Variants in ABCC12 observed in about 807,000 individuals in gnomAD.
The protein encoded by ABCC12 is ATP binding cassette subfamily C member 12.
In ABCC12, 142 loss-of-function variants were observed where a neutral mutation model predicts 151.1. The observed-to-expected ratio is 0.94, with a 90% CI of 0.82 to 1.08. The LOEUF (loss-of-function observed/expected upper bound fraction) is 1.08, where lower values mean the gene tolerates loss of function less well. Among genes scored for constraint, ABCC12 ranks in the 50% least tolerant of loss-of-function variants. The pLI is 0.00. For missense variants in ABCC12, 1,638 were observed against 1,691.1 expected, an observed-to-expected ratio of 0.97 and a Z score of 0.55; for synonymous variants, 645 against 646.4, an observed-to-expected ratio of 1.00 and a Z score of 0.03.
chr16:48,147,082 A>G (rs74018287), intron 2 of ABCC12, among the ~76,000 whole-genome samples: 4,879 of 151,884 alleles, frequency 0.032, 246 homozygotes, highest in African/African-American at 0.11. Flanking sequence ...CTTCAACAAC[A>G]CCACCCCTCA....
chr16:48,091,033 C>A (rs756182463), intron 25 of ABCC12, 87 bp downstream of exon 25: 20 of 1,313,906 alleles, frequency 1.5e-5, no homozygotes, highest in Non-Finnish European at 2.2e-5. Flanking sequence ...TTTAAAAAGA[C>A]CCCTTTCGCA....
At chr16:48,122,090 G>A (rs921575444) in intron 12 of ABCC12, among the ~76,000 whole-genome samples, 2 of 152,252 alleles carry the variant, frequency 1.3e-5, no homozygotes, top group Non-Finnish European at 2.9e-5. Context: ...CTACAAATGG[G>A]AGAGCTTGGA....
rs541294761 is a variant in ABCC12 at position 48,101,400 on chromosome 16, G to A, written c.2901-391C>T. Among the ~76,000 whole-genome samples, 13 of 152,236 alleles carry A rather than the reference G, an allele frequency of 8.5e-5. No individual in the cohort carries two copies. The East Asian group carries it at 2.5e-3, about 29-fold the overall frequency. On this transcript the variant is annotated intron_variant, in intron 22 of 30. Coordinates refer to ENST00000311303, the MANE Select transcript of ABCC12 (RefSeq NM_001393797.1). ...CTGATCTAACTCTGGAAGAAAACCCGGTGTGTCAACTGCCAACATGTGGCC... is the reference window on the plus strand; with the variant it reads ...CTGATCTAACTCTGGAAGAAAACCCAGTGTGTCAACTGCCAACATGTGGCC...
At position 48,138,245 on chromosome 16, in the gene ABCC12, A is replaced by C. The variant is rs1964677871; in HGVS notation, c.962T>G (p.Phe321Cys). The change falls in exon 8 of 31, where the codon TTT becomes TGT. Residue 321 changes from phenylalanine (F) to cysteine (C), a missense_variant. Coordinates refer to ENST00000311303, the MANE Select transcript of ABCC12 (RefSeq NM_001393797.1). ...TGTCCTACCTTGGATAGTGTTGGTA[A>C]AAGATTTCTCCCAGGCATACATTTT... ...LIKMYAWEKS[F>C]TNTIQDIRRR... The C allele has an allele frequency of 6.2e-7, 1 of 1,610,068 alleles. No individual in the cohort carries two copies. The highest frequency in any genetic ancestry group is 8.5e-7 in the Non-Finnish European group (1 of 1,176,774).
At chr16:48,096,712 T>C (rs1000443174) in intron 24 of ABCC12, 34 bp downstream of exon 24, 4 of 1,612,060 alleles carry the variant, frequency 2.5e-6, no homozygotes, top group South Asian at 2.2e-5. Flanking sequence ...GGCCGGAGCC[T>C]CCAGACTAAG....
intron 2 of ABCC12, among the ~76,000 whole-genome samples, chr16:48,148,218 G>A (rs1053232931): frequency 6.0e-5 from 9 of 149,742 alleles, no homozygotes; most frequent in Admixed American, 1.3e-4. Context: ...AAAGTGCTGG[G>A]ATTACAGGCG....
rs1567441918 is a variant in ABCC12 at position 48,083,628 on chromosome 16, T to C, written c.*87A>G. 2 of 1,352,074 alleles carry C rather than the reference T, an allele frequency of 1.5e-6. No individual in the cohort carries two copies. The highest frequency in any genetic ancestry group is 2.1e-6 in the Non-Finnish European group (2 of 965,066). 83.8% of individuals were successfully genotyped at this position (1,352,074 alleles called of 1,614,324 possible). A position where few individuals can be genotyped will look rare whatever the true frequency, so the allele number is the denominator to read the frequency against. ...GGAGGGGCTGAAGACCAGGGCTGCCTGCGGAGAGGACAGCCCCTCCTCCTG... is the reference window on the plus strand; with the variant it reads ...GGAGGGGCTGAAGACCAGGGCTGCCCGCGGAGAGGACAGCCCCTCCTCCTG... On this transcript the variant is annotated 3_prime_UTR_variant, in exon 31 of 31. Transcript: ENST00000311303.
chr16:48,090,066 G>A (rs969109892), intron 25 of ABCC12, among the ~76,000 whole-genome samples: 4 of 152,028 alleles, frequency 2.6e-5, no homozygotes, highest in Non-Finnish European at 4.4e-5. Context: ...TTTGTAAATG[G>A]AGCCAAACAC....
At position 48,146,342 on chromosome 16, in the gene ABCC12, C is replaced by G; in HGVS notation, c.83G>C (p.Ser28Thr). 1.2e-6 allele frequency: 2 copies of G among 1,614,174 alleles called. No homozygotes were observed. Among genetic ancestry groups the G allele is most frequent in the Non-Finnish European group, 1.7e-6 (2 of 1,180,036 alleles). The change falls in exon 3 of 31, where the codon AGC (serine) becomes ACC (threonine). Residue 28 changes from serine to threonine, a missense_variant. Coordinates refer to ENST00000311303, the MANE Select transcript of ABCC12 (RefSeq NM_001393797.1). ...TCGCACTGGGATCATGGTCTTCAGG[C>G]TGGGGTCATATCTTTCTGCAAAGGA... is the stretch of plus-strand genomic sequence containing the variant. ...RRSFAERYDPSLKTMIPVRPC... is the reference protein window; with the variant it reads ...RRSFAERYDPTLKTMIPVRPC...
intron 10 of ABCC12, 142 bp from the exon 11 acceptor site, chr16:48,128,879 C>G: frequency 6.2e-6 from 6 of 961,998 alleles, no homozygotes; most frequent in Non-Finnish European, 9.2e-6. Context: ...AAATTATTCC[C>G]CCAGGAGAAG....
chr16:48,118,024 C>G (rs1451244143), intron 13 of ABCC12, among the ~76,000 whole-genome samples: 1 of 152,176 alleles, frequency 6.6e-6, no homozygotes, highest in Non-Finnish European at 1.5e-5. Flanking sequence ...CACGCTCTGC[C>G]TAGCCCTGCA....
At chr16:48,105,554 T>C (rs906002400) in intron 20 of ABCC12, among the ~76,000 whole-genome samples, 1 of 152,158 alleles carries the variant, frequency 6.6e-6, no homozygotes, top group African/African-American at 2.4e-5. Flanking sequence ...GGCACCTGAC[T>C]TGTGAGCTCA....
At chr16:48,152,357 G>C (rs1214397112) in intron 2 of ABCC12, among the ~76,000 whole-genome samples, 1 of 152,188 alleles carries the variant, frequency 6.6e-6, no homozygotes, top group Non-Finnish European at 1.5e-5. Flanking sequence ...AAGAAAAGAA[G>C]CCTGAACCCA....
At chr16:48,130,444 C>T (rs2150654362) in intron 10 of ABCC12, among the ~76,000 whole-genome samples, 1 of 152,306 alleles carries the variant, frequency 6.6e-6, no homozygotes, top group South Asian at 2.1e-4. Flanking sequence ...CATCACCATG[C>T]CCATTAAAGA....
intron 25 of ABCC12, 82 bp from the exon 26 acceptor site, chr16:48,088,816 AGT>A: frequency 8.1e-7 from 1 of 1,230,474 alleles, no homozygotes; most frequent in Non-Finnish European, 1.1e-6. Flanking sequence ...TGATTCACAC[AGT>A]TTCAGGTACT....
rs1597299683 is a variant in ABCC12, at chr16:48,086,941, C to T, written c.3636-122G>A. The T allele has an allele frequency of 3.7e-6, 3 of 810,058 alleles. No homozygotes were observed. In the East Asian group the frequency reaches 7.4e-5, roughly 20 times the overall value. The allele number at this position is 810,058 out of a possible 1,614,324, so 50.2% of individuals were successfully genotyped here. ...AGGTGGCATGTGATGACCTCGTGCTCCAAGAATAGTGCTCAGTACAGGACA... is the reference window on the plus strand; with the variant it reads ...AGGTGGCATGTGATGACCTCGTGCTTCAAGAATAGTGCTCAGTACAGGACA... On this transcript the variant is annotated intron_variant, in intron 27 of 30. Transcript: ENST00000311303.
At position 48,085,751 on chromosome 16, in the gene ABCC12, A is replaced by T. The variant is rs749959917; in HGVS notation, c.3715-45T>A. ...CCACATTTGTGCTGATGATCTATAA[A>T]ATTGTCCTATGCTGTCTGTATTGAT... On this transcript the variant is annotated intron_variant, in intron 28 of 30. Coordinates refer to ENST00000311303, the MANE Select transcript of ABCC12 (RefSeq NM_001393797.1). The T allele has an allele frequency of 2.8e-5, 42 of 1,501,050 alleles. No homozygotes were observed. In the South Asian group the frequency reaches 4.6e-4, roughly 17 times the overall value. 93.0% of individuals were successfully genotyped at this position (1,501,050 alleles called of 1,614,324 possible).
Position 48,130,822 on chromosome 16 carries a change from A to G in ABCC12, c.1202T>C (p.Met401Thr). 1.2e-6 allele frequency: 2 copies of G among 1,613,600 alleles called. No homozygotes were observed. Among genetic ancestry groups the G allele is most frequent in the Non-Finnish European group, 1.7e-6 (2 of 1,179,526 alleles). Residue 401 changes from methionine (M) to threonine (T), a missense_variant, in exon 10 of 31, where the codon ATG becomes ACG. Coordinates refer to ENST00000311303, the MANE Select transcript of ABCC12 (RefSeq NM_001393797.1). ...CCTTAGAGAGACATTCGCTTCAGCCATTGCTTTGATGGAGAAGGGCAAGAT... is the reference window on the plus strand; with the variant it reads ...CCTTAGAGAGACATTCGCTTCAGCCGTTGCTTTGATGGAGAAGGGCAAGAT... ...IAILPFSIKA[M>T]AEANVSLRRM...
Position 48,128,555 on chromosome 16 carries a change from A to G in ABCC12, c.1419T>C (p.Ser473=). 1 of 1,614,164 alleles carries G rather than the reference A, an allele frequency of 6.2e-7. No individual in the cohort carries two copies. The highest frequency in any genetic ancestry group is 1.1e-5 in the South Asian group (1 of 91,074). Reference sequence around the variant, plus strand: ...CTCCCTTGGCTGGTGGACTCCTCTCACTGTATGCCTCTGACCTCTGTTTCT... The same window carrying G: ...CTCCCTTGGCTGGTGGACTCCTCTCGCTGTATGCCTCTGACCTCTGTTTCT... ...LCKKQRSEAY[S]ERSPPAKGAT... The change falls in exon 11 of 31, where the codon AGT becomes AGC. Residue 473 remains serine (S), a synonymous_variant. Transcript: ENST00000311303.
Sources: gnomAD v4.1 joint callset for allele counts (sites outside exome capture counted in the v4.1 genomes callset) on GRCh38, gnomAD v4.1.1 for gene constraint, MANE v1.5 for transcripts, NCBI Gene and HGNC (gene_info 2026-07-23, HGNC 2026-07-21) for gene names.